Variants in PLA2G2C observed in about 807,000 individuals in gnomAD.
The protein encoded by PLA2G2C is putative inactive group IIC secretory phospholipase A2.
Under a neutral mutation model 14.3 loss-of-function variants are expected in PLA2G2C, and 15 were observed. The ratio of observed to expected loss-of-function variants is 1.05; its 90% CI spans 0.70 to 1.62. The LOEUF (loss-of-function observed/expected upper bound fraction) is 1.62, where lower values mean the gene tolerates loss of function less well. Ranked by LOEUF, PLA2G2C falls within the 40% of genes most tolerant of loss-of-function variation. The probability of loss-of-function intolerance (pLI) is 0.00; values close to 1 mark genes in which losing one functional copy is unlikely to be tolerated. For missense variants in PLA2G2C, 162 were observed against 173.2 expected (o/e 0.94, Z 0.36); for synonymous variants, 79 against 67.7 (o/e 1.17, Z -0.82).
At chr1:20,164,252 A>G in intron 4 of PLA2G2C, 95 bp from the exon 5 acceptor site, 1 of 1,290,756 alleles carries the variant, frequency 7.7e-7, no homozygotes, top group South Asian at 1.5e-5. Context: ...GTAAGGGGCC[A>G]AGGGTTAAGG....
chr1:20,165,636 C>T (rs1227611806), intron 4 of PLA2G2C, among the ~76,000 whole-genome samples: 1 of 152,170 alleles, frequency 6.6e-6, no homozygotes, highest in East Asian at 1.9e-4. Context: ...TATTTACCTA[C>T]TAATCAGAGC....
chr1:20,180,760 C>T (rs192134011), intron 1 of PLA2G2C, among the ~76,000 whole-genome samples: 54 of 152,326 alleles, frequency 3.5e-4, no homozygotes, highest in Middle Eastern at 3.4e-3. Flanking sequence ...CCCGAGGGCC[C>T]GAGGCTTGAT....
rs1382966985 is a variant in PLA2G2C at position 20,175,866 on chromosome 1, G to A, written c.41-721C>T. Among the ~76,000 whole-genome samples the A allele has an allele frequency of 3.3e-5, 5 of 151,638 alleles. No homozygotes were observed. In the East Asian group the frequency reaches 5.8e-4, roughly 18 times the overall value. On this transcript the variant is annotated intron_variant, in intron 2 of 4. Coordinates refer to ENST00000679259, the MANE Select transcript of PLA2G2C (RefSeq NM_001367969.2). ...CAACATTCATTTTATACACGTCTCCGCTGTCTCATGTCTTTTCATAATAAG... is the reference window on the plus strand; with the variant it reads ...CAACATTCATTTTATACACGTCTCCACTGTCTCATGTCTTTTCATAATAAG...
At chr1:20,184,841 G>C (rs1175326163) in intron 1 of PLA2G2C, among the ~76,000 whole-genome samples, 2 of 152,104 alleles carry the variant, frequency 1.3e-5, no homozygotes, top group Non-Finnish European at 1.5e-5. Flanking sequence ...GCAAAACAAC[G>C]TTTTGAAATA....
intron 1 of PLA2G2C, among the ~76,000 whole-genome samples, chr1:20,179,637 G>A (rs2018246664): frequency 7.0e-6 from 1 of 143,608 alleles, no homozygotes; most frequent in Admixed American, 7.1e-5. Flanking sequence ...GTGTGTGTGT[G>A]TGTTAGCTTG....
intron 2 of PLA2G2C, among the ~76,000 whole-genome samples, chr1:20,175,995 C>T (rs966555556): frequency 2.0e-5 from 3 of 149,568 alleles, no homozygotes; most frequent in Admixed American, 6.6e-5. Flanking sequence ...CTGCAACCTC[C>T]GCCTCCCGGG....
chr1:20,179,007 G>A (rs1255812947), intron 1 of PLA2G2C, among the ~76,000 whole-genome samples: 4 of 152,254 alleles, frequency 2.6e-5, no homozygotes, highest in Admixed American at 2.0e-4. Context: ...ACTCTCTGCT[G>A]CAGGTACCGC....
chr1:20,175,788 T>A (rs1263844315), intron 2 of PLA2G2C, among the ~76,000 whole-genome samples: 1 of 152,136 alleles, frequency 6.6e-6, no homozygotes, highest in East Asian at 1.9e-4. Flanking sequence ...ATAAACTACA[T>A]TTGATAGCAC....
intron 2 of PLA2G2C, among the ~76,000 whole-genome samples, chr1:20,176,526 G>A (rs545601381): frequency 2.0e-3 from 298 of 152,272 alleles, no homozygotes; most frequent in Middle Eastern, 6.8e-3. Flanking sequence ...CAGTCTAAAC[G>A]GGGGTGTGGC....
chr1:20,163,882 C>T lies in PLA2G2C; in HGVS notation c.*109G>A. 1 of 1,264,216 alleles carries T rather than the reference C, an allele frequency of 7.9e-7. No homozygotes were observed. The highest frequency in any genetic ancestry group is 1.1e-6 in the Non-Finnish European group (1 of 931,112). 78.3% of individuals were successfully genotyped at this position (1,264,216 alleles called of 1,614,324 possible). On this transcript the variant is annotated 3_prime_UTR_variant, in exon 5 of 5. Coordinates refer to ENST00000679259, the MANE Select transcript of PLA2G2C (RefSeq NM_001367969.2). ...GCTGCCCTGCGGGAGACATTTTGTC[C>T]TCCCTCCCAGTGGAAGAACAGGGGC...
At position 20,163,955 on chromosome 1, in the gene PLA2G2C, C is replaced by A; in HGVS notation, c.*36G>T. On this transcript the variant is annotated 3_prime_UTR_variant, in exon 5 of 5. Transcript: ENST00000679259. ...GCTTCCTGGAAGAGCAACACTAGAG[C>A]GGATGCTGGATGATGAGAGGGACCC... The A allele has an allele frequency of 6.3e-6, 10 of 1,590,212 alleles. No individual in the cohort carries two copies. Among genetic ancestry groups the A allele is most frequent in the South Asian group, 1.2e-5 (1 of 86,642 alleles).
At position 20,174,920 on chromosome 1, in the gene PLA2G2C, C is replaced by A. The variant is rs995758222; in HGVS notation, c.179+87G>T. 4.6e-6 allele frequency: 6 copies of A among 1,317,242 alleles called. No individual in the cohort carries two copies. In the African/African-American group the frequency reaches 6.0e-5, roughly 13 times the overall value. 81.6% of individuals were successfully genotyped at this position (1,317,242 alleles called of 1,614,324 possible). On this transcript the variant is annotated intron_variant, in intron 3 of 4. Coordinates refer to ENST00000679259, the MANE Select transcript of PLA2G2C (RefSeq NM_001367969.2). ...GAGTTGTTTTCTGTTATTTGCCAGGCAAGAATCCTAACACCCTCTCTCTGG... is the reference window on the plus strand; with the variant it reads ...GAGTTGTTTTCTGTTATTTGCCAGGAAAGAATCCTAACACCCTCTCTCTGG...
At chr1:20,174,765 T>C (rs913077765) in intron 3 of PLA2G2C, among the ~76,000 whole-genome samples, 3 of 152,204 alleles carry the variant, frequency 2.0e-5, no homozygotes, top group African/African-American at 7.2e-5. Context: ...CTCAAGAAGC[T>C]GGCCCTGACC....
intron 4 of PLA2G2C, among the ~76,000 whole-genome samples, chr1:20,167,359 C>T (rs554140608): frequency 6.6e-6 from 1 of 152,294 alleles, no homozygotes; most frequent in African/African-American, 2.4e-5. Flanking sequence ...TCATCATCAG[C>T]TCTCCCCCCA....
At chr1:20,175,265 G>A (rs967702356) in intron 2 of PLA2G2C, 120 bp from the exon 3 acceptor site, 14 of 1,424,584 alleles carry the variant, frequency 9.8e-6, no homozygotes, top group Middle Eastern at 2.3e-4. Flanking sequence ...TCCCCAAAGC[G>A]AAGTGCAAGG....
chr1:20,179,735 A>AGTGTGTGTGT (rs3035013), intron 1 of PLA2G2C, among the ~76,000 whole-genome samples: 21 of 111,574 alleles, frequency 1.9e-4, no homozygotes, highest in Admixed American at 7.5e-4. Flanking sequence ...CCTCTATGTC[A>AGTGTGTGTGT]GTGTGTGTGT....
rs2018207492 is a variant in PLA2G2C, at chr1:20,177,458, A to G, written c.-76-19T>C. 3.4e-6 allele frequency: 2 copies of G among 594,106 alleles called. No homozygotes were observed. The highest frequency in any genetic ancestry group is 6.0e-6 in the Non-Finnish European group (2 of 334,100). The allele number at this position is 594,106 out of a possible 1,614,324, so 36.8% of individuals were successfully genotyped here. A position where few individuals can be genotyped will look rare whatever the true frequency, so the allele number is the denominator to read the frequency against. On this transcript the variant is annotated intron_variant, in intron 1 of 4. Coordinates refer to ENST00000679259, the MANE Select transcript of PLA2G2C (RefSeq NM_001367969.2). The stretch of plus-strand genomic sequence containing the variant: ...TGAACCTCTGTTCCAGGACAAAATG[A>G]CCAAAATGAGGCAAGGGTATTTGGG...
intron 1 of PLA2G2C, chr1:20,185,956 C>T (rs1252913646): frequency 6.6e-6 from 1 of 152,266 alleles, no homozygotes; most frequent in Non-Finnish European, 1.5e-5. Flanking sequence ...CGCAATCCAC[C>T]GACCTGGAGT....
intron 4 of PLA2G2C, 72 bp from the exon 5 acceptor site, chr1:20,164,229 C>T (rs2100709367): frequency 6.7e-7 from 1 of 1,483,000 alleles, no homozygotes; most frequent in Non-Finnish European, 9.1e-7. Context: ...CTGGGGAGAA[C>T]TGGGAGCTCA....
Sources: gnomAD v4.1 joint callset for allele counts (sites outside exome capture counted in the v4.1 genomes callset) on GRCh38, gnomAD v4.1.1 for gene constraint, MANE v1.5 for transcripts, NCBI Gene and HGNC (gene_info 2026-07-23, HGNC 2026-07-21) for gene names.